MAN2A2: variants seen among roughly 807,000 people sequenced by gnomAD.
MAN2A2 encodes the protein mannosidase alpha class 2A member 2.
MAN2A2 carries 79 observed loss-of-function variants against 126.8 expected under a neutral mutation model. The ratio of observed to expected loss-of-function variants is 0.62; its 90% CI spans 0.52 to 0.75. The LOEUF (loss-of-function observed/expected upper bound fraction) is 0.75, where lower values mean the gene tolerates loss of function less well. Ranked by LOEUF, MAN2A2 falls within the 30% of genes least tolerant of loss-of-function variation. MAN2A2 has a pLI of 0.00. For missense variants in MAN2A2, 1,392 were observed against 1,522.4 expected (o/e 0.91, Z 1.43); for synonymous variants, 671 against 618.7 (o/e 1.08, Z -1.25).
chr15:90,912,775 G>C, intron 16 of MAN2A2, 102 bp from the exon 17 acceptor site: 1 of 1,567,520 alleles, frequency 6.4e-7, no homozygotes. Flanking sequence ...GTTCAGCCCA[G>C]GGGTGTCTGG....
At position 90,912,278 on chromosome 15, in the gene MAN2A2, A is replaced by C; in HGVS notation, c.2345A>C (p.Lys782Thr). ...TTCTCAGGCCTTACTGGGCTCCTCAAGGTAAAAGGCCAGGGTGGTGGGGAA... is the reference window on the plus strand; with the variant it reads ...TTCTCAGGCCTTACTGGGCTCCTCACGGTAAAAGGCCAGGGTGGTGGGGAA... ...VWFSGLTGLLKSIRRVDEEHE... is the reference protein window; with the variant it reads ...VWFSGLTGLLTSIRRVDEEHE... The change falls in exon 15 of 23, where the codon AAG becomes ACG. Residue 782 changes from lysine (K) to threonine (T), a missense_variant and splice_region_variant. Coordinates refer to ENST00000559717, the MANE Select transcript of MAN2A2 (RefSeq NM_006122.4). The C allele has an allele frequency of 6.2e-7, 1 of 1,614,144 alleles. No homozygotes were observed. The highest frequency in any genetic ancestry group is 8.5e-7 in the Non-Finnish European group (1 of 1,179,984).
rs1317854962 is a variant in MAN2A2, at chr15:90,911,366, GC to G, written c.1944-16del. 7 of 1,613,790 alleles carry G rather than the reference GC, an allele frequency of 4.3e-6. No individual in the cohort carries two copies. The African/African-American group carries it at 9.3e-5, about 22-fold the overall frequency. On this transcript the variant is annotated intron_variant, in intron 13 of 22. Transcript: ENST00000559717. ...TCGGAAGCAGCAGCCTCCTGGGTCAGCCCACCTTCTACGCACAGGTTTGTGG... is the reference window on the plus strand; with the variant it reads ...TCGGAAGCAGCAGCCTCCTGGGTCAGCCACCTTCTACGCACAGGTTTGTGG...
Position 90,910,433 on chromosome 15 carries a change from C to G in MAN2A2, c.1578-68C>G, listed in dbSNP as rs8032127. On this transcript the variant is annotated intron_variant, in intron 10 of 22. Transcript: ENST00000559717. ...GGAGGGGTGGGAAGGAAGGAGGCTG[C>G]ACTGGCAGAGTGTGGGTGGGCCCTG... 1.8e-3 allele frequency: 2,925 copies of G among 1,588,406 alleles called. 45 individuals are homozygous for G. The African/African-American group carries it at 0.035, about 19-fold the overall frequency.
chr15:90,912,875 A>C lies in MAN2A2; in HGVS notation c.2470-2A>C. ...TTCAACAGCAATCTGCTCTTTCTCT[A>C]GCCCTACGTCCCCAAGGAGCCCCCC... On this transcript the variant is annotated splice_acceptor_variant, in intron 16 of 22. Coordinates refer to ENST00000559717, the MANE Select transcript of MAN2A2 (RefSeq NM_006122.4). LOFTEE classifies it high-confidence loss of function. The C allele has an allele frequency of 6.2e-7, 1 of 1,612,464 alleles. No individual in the cohort carries two copies. Among genetic ancestry groups the C allele is most frequent in the Non-Finnish European group, 8.5e-7 (1 of 1,178,730 alleles).
At chr15:90,913,031 G>T in intron 17 of MAN2A2, 40 bp downstream of exon 17, 1 of 1,530,566 alleles carries the variant, frequency 6.5e-7, no homozygotes, top group South Asian at 1.1e-5. Context: ...AAGGAGGTGT[G>T]GGCTCCACAA....
intron 7 of MAN2A2, 52 bp from the exon 8 acceptor site, chr15:90,907,256 CT>C (rs2151297295): frequency 3.2e-6 from 5 of 1,557,962 alleles, no homozygotes; most frequent in Admixed American, 1.7e-5. Flanking sequence ...CCTTGCCCCC[CT>C]GGCGTCCAGA....
intron 17 of MAN2A2, 89 bp from the exon 18 acceptor site, chr15:90,913,184 C>T: frequency 6.7e-7 from 1 of 1,495,568 alleles, no homozygotes; most frequent in South Asian, 1.2e-5. Context: ...AGAGCCTCTC[C>T]CCAGCTCGGC....
intron 8 of MAN2A2, among the ~76,000 whole-genome samples, chr15:90,908,635 G>A (rs183135589): frequency 1.3e-5 from 2 of 151,116 alleles, no homozygotes; most frequent in African/African-American, 4.9e-5. Context: ...GAGTGCGGTG[G>A]TGCAATTTCG....
Position 90,913,771 on chromosome 15 carries a change from G to T in MAN2A2, c.2860+16G>T. 6.3e-7 allele frequency: 1 copy of T among 1,575,792 alleles called. No homozygotes were observed. Among genetic ancestry groups the T allele is most frequent in the East Asian group, 2.3e-5 (1 of 43,290 alleles). On this transcript the variant is annotated intron_variant, in intron 19 of 22. Transcript: ENST00000559717. Reference sequence around the variant, plus strand: ...CTCAAAGATGGTGAGTAGGGCCCAGGAGTTCTGCAGAGGGTATCAGACAAA... The same window carrying T: ...CTCAAAGATGGTGAGTAGGGCCCAGTAGTTCTGCAGAGGGTATCAGACAAA...
At chr15:90,919,543 T>G in intron 22 of MAN2A2, 92 bp from the exon 23 acceptor site, 1 of 1,487,182 alleles carries the variant, frequency 6.7e-7, no homozygotes, top group African/African-American at 1.4e-5. Flanking sequence ...CTGGCTGAGA[T>G]TCTTAAAGAG....
intron 14 of MAN2A2, chr15:90,911,791 C>T (rs1053541895): frequency 6.6e-6 from 4 of 603,292 alleles, no homozygotes; most frequent in African/African-American, 5.6e-5. Flanking sequence ...TATAATGCCC[C>T]ATCATTCAGT....
chr15:90,912,707 A>AG, intron 16 of MAN2A2, 43 bp downstream of exon 16: 2 of 1,612,038 alleles, frequency 1.2e-6, no homozygotes, highest in South Asian at 2.2e-5. Context: ...GGAGGGCAGG[A>AG]GGGGGCACAG....
chr15:90,912,527 T>C lies in MAN2A2; in HGVS notation c.2347-15T>C. ...CTGGTGTGGGGCCAGGGGTCAGGGC[T>C]GTGTTTTTTGGCAGAGCATCCGAAG... On this transcript the variant is annotated splice_polypyrimidine_tract_variant and intron_variant, in intron 15 of 22. Transcript: ENST00000559717. 6.2e-7 allele frequency: 1 copy of C among 1,612,618 alleles called. No individual in the cohort carries two copies. The highest frequency in any genetic ancestry group is 8.5e-7 in the Non-Finnish European group (1 of 1,179,304).
At position 90,918,311 on chromosome 15, in the gene MAN2A2, C is replaced by G. The variant is rs1486147371; in HGVS notation, c.3112C>G (p.Leu1038Val). ...CAGGATGCAGCTCCCAGGCCCTGGT[C>G]TGCGCTCATTTCATCCTCTGGCTTC... ...VARMQLPGPG[L>V]RSFHPLASSL... Residue 1038 changes from leucine (L) to valine (V), a missense_variant, in exon 21 of 23, where the codon CTG (leucine) becomes GTG (valine). Physicochemically the swap from Leu to Val is conservative, Grantham distance 32 (BLOSUM62 1). Transcript: ENST00000559717. The G allele has an allele frequency of 6.2e-7, 1 of 1,614,090 alleles. No homozygotes were observed. Among genetic ancestry groups the G allele is most frequent in the Non-Finnish European group, 8.5e-7 (1 of 1,180,042 alleles).
chr15:90,904,167 A>G (rs1187181041), intron 1 of MAN2A2, 23 bp from the exon 2 acceptor site: 3 of 1,613,814 alleles, frequency 1.9e-6, no homozygotes, highest in South Asian at 1.1e-5. Flanking sequence ...TGTTGGAGCT[A>G]CAGATGGTGT....
At chr15:90,910,328 AG>A (rs1400172710) in intron 10 of MAN2A2, 36 bp downstream of exon 10, 1 of 1,607,618 alleles carries the variant, frequency 6.2e-7, no homozygotes, top group African/African-American at 1.3e-5. Flanking sequence ...CTGGAGGGGG[AG>A]AGTCAGCCTT....
chr15:90,913,769 A>C lies in MAN2A2; in HGVS notation c.2860+14A>C, dbSNP rs764057760. ...GCCTCAAAGATGGTGAGTAGGGCCC[A>C]GGAGTTCTGCAGAGGGTATCAGACA... On this transcript the variant is annotated intron_variant, in intron 19 of 22. Coordinates refer to ENST00000559717, the MANE Select transcript of MAN2A2 (RefSeq NM_006122.4). 6.3e-7 allele frequency: 1 copy of C among 1,580,500 alleles called. No homozygotes were observed.
chr15:90,909,228 TGGGATGTCTTCTAGGGGCTTGCTGGC>T, intron 8 of MAN2A2, 73 bp from the exon 9 acceptor site: 1 of 1,197,582 alleles, frequency 8.4e-7, no homozygotes, highest in Non-Finnish European at 1.2e-6. Flanking sequence ...CCTTGGTGGA[TGGGATGTCTTCTAGGGGCTTGCTGGC>T]GGGATGGCTG....
chr15:90,911,803 A>G (rs1178841190), intron 14 of MAN2A2: 1 of 604,414 alleles, frequency 1.7e-6, no homozygotes, highest in African/African-American at 1.9e-5. Flanking sequence ...TCATTCAGTC[A>G]TTCAATGTTT....
Sources: gnomAD v4.1 joint callset for allele counts (sites outside exome capture counted in the v4.1 genomes callset) on GRCh38, gnomAD v4.1.1 for gene constraint, MANE v1.5 for transcripts, NCBI Gene and HGNC (gene_info 2026-07-23, HGNC 2026-07-21) for gene names.